Variants in CCDC34 observed in about 807,000 individuals in gnomAD.
The protein encoded by CCDC34 is coiled-coil domain containing 34.
Under a neutral mutation model 44.1 loss-of-function variants are expected in CCDC34, and 40 were observed. That is an observed-to-expected ratio of 0.91 (90% CI 0.70 to 1.18). The LOEUF (loss-of-function observed/expected upper bound fraction) is 1.18, where lower values mean the gene tolerates loss of function less well. Among genes scored for constraint, CCDC34 ranks in the 50% most tolerant of loss-of-function variants. The pLI is 0.00. For missense variants in CCDC34, 466 were observed against 452.3 expected (o/e 1.03, Z -0.28); for synonymous variants, 159 against 158.2 (o/e 1.01, Z -0.04).
At chr11:27,340,903 A>T in intron 4 of CCDC34, 66 bp from the exon 5 acceptor site, 3 of 1,511,684 alleles carry the variant, frequency 2.0e-6, no homozygotes, top group South Asian at 1.3e-5. Context: ...TTCAAATTCT[A>T]CTGATTTTTT....
intron 3 of CCDC34, 40 bp downstream of exon 3, chr11:27,350,292 A>G (rs1862488835): frequency 5.0e-6 from 8 of 1,613,386 alleles, no homozygotes; most frequent in Non-Finnish European, 6.8e-6. Context: ...ATATTTTGCA[A>G]AAGAGATGTC....
chr11:27,340,615 C>T, intron 5 of CCDC34, 81 bp downstream of exon 5: 1 of 1,313,806 alleles, frequency 7.6e-7, no homozygotes, highest in Non-Finnish European at 1.0e-6. Flanking sequence ...AATTTTTACA[C>T]ATTTCTATTT....
At chr11:27,360,204 C>T (rs2291023) in intron 1 of CCDC34, among the ~76,000 whole-genome samples, 36,460 of 152,088 alleles carry the variant, frequency 0.24, 5,081 homozygotes, top group Non-Finnish European at 0.32. Flanking sequence ...CATGGTTTTC[C>T]TAATGGATAG....
intron 2 of CCDC34, among the ~76,000 whole-genome samples, chr11:27,351,206 C>T (rs552928606): frequency 1.8e-4 from 28 of 152,150 alleles, no homozygotes; most frequent in Non-Finnish European, 3.5e-4. Context: ...TTTTCTTCTC[C>T]GTCTTTAGAT....
chr11:27,341,928 C>T (rs924552451), intron 3 of CCDC34, among the ~76,000 whole-genome samples: 1 of 152,094 alleles, frequency 6.6e-6, no homozygotes, highest in East Asian at 1.9e-4. Context: ...CTTTCCCATG[C>T]TGTTCTCATG....
In CCDC34 at chr11:27,349,882, G is replaced by C. The variant is rs189985481; in HGVS notation, c.606+450C>G. The C allele has an allele frequency of 9.7e-5, 97 of 998,016 alleles. 2 individuals carry two copies. The South Asian group carries it at 4.0e-3, about 41-fold the overall frequency. The allele number at this position is 998,016 out of a possible 1,614,324, so 61.8% of individuals were successfully genotyped here. On this transcript the variant is annotated intron_variant, in intron 3 of 5. Transcript: ENST00000328697. Reference sequence around the variant, plus strand: ...TAATGGAAAGAGATCACAAACAGGGGAGTAGTAATTGTAAAGAAAAGGAGG... The same window carrying C: ...TAATGGAAAGAGATCACAAACAGGGCAGTAGTAATTGTAAAGAAAAGGAGG...
Position 27,338,983 on chromosome 11 carries a change from C to T in CCDC34, c.960G>A (p.Pro320=), listed in dbSNP as rs200876489. ...YPEPAFYNPI[P]WKPIHMPPPK... ...GAGGTGGCATATGAATTGGTTTCCA[C>T]GGAATTGGATTATAAAAGGCTGGTT... The change falls in exon 6 of 6, where the codon CCG becomes CCA. Residue 320 remains proline, a synonymous_variant. Coordinates refer to ENST00000328697, the MANE Select transcript of CCDC34 (RefSeq NM_030771.2). 143 of 1,613,478 alleles carry T rather than the reference C, an allele frequency of 8.9e-5. 2 individuals are homozygous for T. The highest frequency in any genetic ancestry group is 6.6e-4 in the Middle Eastern group (4 of 6,056).
intron 3 of CCDC34, 78 bp downstream of exon 3, chr11:27,350,254 C>T (rs1203653818): frequency 6.2e-7 from 1 of 1,602,740 alleles, no homozygotes; most frequent in Admixed American, 1.7e-5. Flanking sequence ...TTTTTTAAAA[C>T]CTAGGTAATG....
Position 27,338,769 on chromosome 11 carries a change from T to C in CCDC34, c.*52A>G. The C allele has an allele frequency of 2.0e-6, 3 of 1,477,576 alleles. No homozygotes were observed. The highest frequency in any genetic ancestry group is 2.8e-6 in the Non-Finnish European group (3 of 1,069,458). The allele number at this position is 1,477,576 out of a possible 1,614,324, so 91.5% of individuals were successfully genotyped here. A position where few individuals can be genotyped will look rare whatever the true frequency, so the allele number is the denominator to read the frequency against. ...TGACTGAGCAGTAAAAAACAATTTC[T>C]GATTTTTAAATTAAATAGCTCCAGA... On this transcript the variant is annotated 3_prime_UTR_variant, in exon 6 of 6. Coordinates refer to ENST00000328697, the MANE Select transcript of CCDC34 (RefSeq NM_030771.2).
At position 27,341,494 on chromosome 11, in the gene CCDC34, CT is replaced by C; in HGVS notation, c.662del (p.Lys221ArgfsTer20). ...INKEMEEKAAKELEKEYLQEK... is the reference protein window; with the variant it reads ...INKEMEEKAAXELEKEYLQEK... ...CTTGCAAGTATTCTTTCTCCAGTTC[CT>C]TTGCTGCTTTTTCCTCCATTTCTTT... On this transcript the variant is annotated frameshift_variant, in exon 4 of 6. Transcript: ENST00000328697. LOFTEE classifies it high-confidence loss of function. 1 of 1,405,382 alleles carries C rather than the reference CT, an allele frequency of 7.1e-7. No homozygotes were observed. Among genetic ancestry groups the C allele is most frequent in the Non-Finnish European group, 9.6e-7 (1 of 1,042,022 alleles). 87.1% of individuals were successfully genotyped at this position (1,405,382 alleles called of 1,614,324 possible). A position where few individuals can be genotyped will look rare whatever the true frequency, so the allele number is the denominator to read the frequency against.
At chr11:27,343,929 C>T (rs770229025) in intron 3 of CCDC34, among the ~76,000 whole-genome samples, 12 of 152,038 alleles carry the variant, frequency 7.9e-5, no homozygotes, top group Non-Finnish European at 1.8e-4. Flanking sequence ...CAATTTTATG[C>T]CAATAAATTC....
At chr11:27,342,304 T>C (rs1230259286) in intron 3 of CCDC34, among the ~76,000 whole-genome samples, 6 of 146,638 alleles carry the variant, frequency 4.1e-5, no homozygotes, top group African/African-American at 1.2e-4. Flanking sequence ...TATATATATA[T>C]ATATATATAT....
chr11:27,361,032 T>C lies in CCDC34; in HGVS notation c.359+1804A>G, dbSNP rs142174604. ...TGACAATAATCACTGCATGTATCTG[T>C]TCTTTAGGAAGTGGGAAATGGACAT... On this transcript the variant is annotated intron_variant, in intron 1 of 5. Transcript: ENST00000328697. Among the ~76,000 whole-genome samples the C allele has an allele frequency of 1.7e-4, 26 of 152,374 alleles. No homozygotes were observed. In the East Asian group the frequency reaches 5.0e-3, roughly 29 times the overall value.
chr11:27,338,694 CA>C lies in CCDC34; in HGVS notation c.*126del. 1 of 798,132 alleles carries C rather than the reference CA, an allele frequency of 1.3e-6. No homozygotes were observed. The highest frequency in any genetic ancestry group is 2.0e-6 in the Non-Finnish European group (1 of 501,210). The allele number at this position is 798,132 out of a possible 1,614,324, so 49.4% of individuals were successfully genotyped here. A position where few individuals can be genotyped will look rare whatever the true frequency, so the allele number is the denominator to read the frequency against. On this transcript the variant is annotated 3_prime_UTR_variant, in exon 6 of 6. Coordinates refer to ENST00000328697, the MANE Select transcript of CCDC34 (RefSeq NM_030771.2). ...TCCTCAACTCTAAGGACTCCATATACAAATGCAAAAATTGCTATTTGTCAAT... is the reference window on the plus strand; with the variant it reads ...TCCTCAACTCTAAGGACTCCATATACAATGCAAAAATTGCTATTTGTCAAT...
chr11:27,357,923 C>T (rs778429095), intron 1 of CCDC34, among the ~76,000 whole-genome samples: 2 of 152,212 alleles, frequency 1.3e-5, no homozygotes, highest in Non-Finnish European at 2.9e-5. Context: ...AGACTCTTCC[C>T]TTTCCCGCCC....
chr11:27,359,569 A>G (rs1195054767), intron 1 of CCDC34, among the ~76,000 whole-genome samples: 2 of 151,956 alleles, frequency 1.3e-5, no homozygotes, highest in Admixed American at 1.3e-4. Flanking sequence ...GCTCACTGCA[A>G]GCTCCGCCTC....
intron 2 of CCDC34, among the ~76,000 whole-genome samples, 165 bp from the exon 3 acceptor site, chr11:27,350,604 A>T (rs6484293): frequency 0.3 from 45,194 of 152,142 alleles, 6,985 homozygotes; most frequent in South Asian, 0.43. Context: ...GTCTATGATG[A>T]AAAAAAGCAT....
At chr11:27,360,124 C>T (rs1269423670) in intron 1 of CCDC34, among the ~76,000 whole-genome samples, 1 of 152,176 alleles carries the variant, frequency 6.6e-6, no homozygotes, top group Non-Finnish European at 1.5e-5. Flanking sequence ...GTGGCGCACA[C>T]ACTACAGCTC....
At chr11:27,352,511 G>A (rs917630237) in intron 2 of CCDC34, among the ~76,000 whole-genome samples, 2 of 152,072 alleles carry the variant, frequency 1.3e-5, no homozygotes, top group Non-Finnish European at 2.9e-5. Context: ...ATATGTGCAT[G>A]TGTGTATATA....
Sources: allele counts gnomAD v4.1 joint callset (sites outside exome capture counted in the v4.1 genomes callset), GRCh38; gene constraint gnomAD v4.1.1; transcripts MANE v1.5; gene names NCBI Gene and HGNC (gene_info 2026-07-23, HGNC 2026-07-21).